ABLIM2: variants seen among roughly 807,000 people sequenced by gnomAD.
The protein encoded by ABLIM2 is actin-binding LIM protein 2.
In ABLIM2, 53 loss-of-function variants were observed where a neutral mutation model predicts 97.7. The ratio of observed to expected loss-of-function variants is 0.54; its 90% CI spans 0.44 to 0.68. ABLIM2 has a LOEUF of 0.68. Ranked by LOEUF, ABLIM2 falls within the 30% of genes least tolerant of loss-of-function variation. The pLI, the probability that ABLIM2 is intolerant of heterozygous loss-of-function variation, is 0.00. For missense variants in ABLIM2, 835 were observed against 867.2 expected (o/e 0.96, Z 0.47); for synonymous variants, 361 against 345.8 (o/e 1.04, Z -0.49).
In ABLIM2 at chr4:8,005,438, G is replaced by C. The variant is rs1760609013; in HGVS notation, c.1618+2621C>G. On this transcript the variant is annotated intron_variant, in intron 16 of 20. Coordinates refer to ENST00000447017, the MANE Select transcript of ABLIM2 (RefSeq NM_001130083.2). This position sits in a 1 kb window ranked among gnomAD's most constrained non-coding sequence, Gnocchi z 4.9. Reference sequence around the variant, plus strand: ...CTACAGATGGACGTCCCGGGGTGCAGGTGGCGTGCCTTGCTGTGTGCAAAT... The same window carrying C: ...CTACAGATGGACGTCCCGGGGTGCACGTGGCGTGCCTTGCTGTGTGCAAAT... 1 of 533,102 alleles carries C rather than the reference G, an allele frequency of 1.9e-6. No individual in the cohort carries two copies. The highest frequency in any genetic ancestry group is 3.8e-6 in the Non-Finnish European group (1 of 259,956). 33.0% of individuals were successfully genotyped at this position (533,102 alleles called of 1,614,324 possible).
chr4:8,154,766 T>C (rs1177725068), intron 1 of ABLIM2, among the ~76,000 whole-genome samples: 1 of 152,224 alleles, frequency 6.6e-6, no homozygotes, highest in Non-Finnish European at 1.5e-5. Flanking sequence ...TGGAGCAGCG[T>C]GGGCTCACGT....
rs1188371253 is a variant in ABLIM2 at position 8,019,328 on chromosome 4, AC to A, written c.1423+289del. Among the ~76,000 whole-genome samples the A allele has an allele frequency of 2.0e-5, 3 of 152,154 alleles. No individual in the cohort carries two copies. Among genetic ancestry groups the A allele is most frequent in the East Asian group, 1.9e-4 (1 of 5,190 alleles). On this transcript the variant is annotated intron_variant, in intron 14 of 20. Transcript: ENST00000447017. This position sits in a 1 kb window ranked among gnomAD's most constrained non-coding sequence, Gnocchi z 4.3. ...TGGCTGCATAATTGAAGGCGCCACC[AC>A]CAGGCTCTTGGCTATAAACCCCCAT...
At chr4:8,060,037 G>T (rs1461434706) in intron 7 of ABLIM2, among the ~76,000 whole-genome samples, 1 of 152,034 alleles carries the variant, frequency 6.6e-6, no homozygotes, top group Admixed American at 6.6e-5. Context: ...ATGTTAATAA[G>T]CTTCTGTTCA....
intron 20 of ABLIM2, among the ~76,000 whole-genome samples, chr4:7,980,941 A>ATTTTTTTTGTTTTTTT (rs1737691303): frequency 1.2e-5 from 1 of 82,988 alleles, no homozygotes; most frequent in African/African-American, 5.5e-5. Flanking sequence ...ACAACCCCTT[A>ATTTTTTTTGTTTTTTT]TTTTTTTTTT....
chr4:7,981,207 T>C (rs1738105065), intron 20 of ABLIM2, among the ~76,000 whole-genome samples: 1 of 152,040 alleles, frequency 6.6e-6, no homozygotes. Context: ...CCTCCCAAAG[T>C]GCTGGGATTA....
chr4:8,098,139 G>A (rs905095718), intron 2 of ABLIM2, among the ~76,000 whole-genome samples: 3 of 152,164 alleles, frequency 2.0e-5, no homozygotes, highest in Non-Finnish European at 4.4e-5. Flanking sequence ...TTCAGAGGGA[G>A]CAGCCCACAG....
At position 8,150,430 on chromosome 4, in the gene ABLIM2, T is replaced by C. The variant is rs139003163; in HGVS notation, c.10+8250A>G. Among the ~76,000 whole-genome samples the C allele has an allele frequency of 6.6e-6, 1 of 152,168 alleles. No individual in the cohort carries two copies. The highest frequency in any genetic ancestry group is 1.5e-5 in the Non-Finnish European group (1 of 68,026). ...TCAGGGGAGCCAGTACAAGGCCCCA[T>C]CGTGCCCTGAGGACAGACGCCAGCG... On this transcript the variant is annotated intron_variant, in intron 1 of 20. Transcript: ENST00000447017. This position sits in a 1 kb window ranked among gnomAD's most constrained non-coding sequence, Gnocchi z 6.3.
At position 7,966,402 on chromosome 4, in the gene ABLIM2, A is replaced by T. The variant is rs1403529172; in HGVS notation, c.*588T>A. ...GCAGCGCATGGAGGGGCGCTGGCGGAAGGTGCCCTGTCTTGTCCCTTGTTG... is the reference window on the plus strand; with the variant it reads ...GCAGCGCATGGAGGGGCGCTGGCGGTAGGTGCCCTGTCTTGTCCCTTGTTG... On this transcript the variant is annotated 3_prime_UTR_variant, in exon 21 of 21. Transcript: ENST00000447017. 6.5e-6 allele frequency: 1 copy of T among 152,840 alleles called. No homozygotes were observed. The highest frequency in any genetic ancestry group is 2.4e-5 in the African/African-American group (1 of 41,458). The allele number at this position is 152,840 out of a possible 1,614,324, so 9.5% of individuals were successfully genotyped here.
At chr4:8,089,026 C>G (rs1319003959) in intron 3 of ABLIM2, among the ~76,000 whole-genome samples, 2 of 152,188 alleles carry the variant, frequency 1.3e-5, no homozygotes, top group African/African-American at 4.8e-5. Context: ...TGCCATTTTG[C>G]TCTAAATGGA....
chr4:7,999,483 T>A lies in ABLIM2; in HGVS notation c.1619-6556A>T, dbSNP rs1271492688. On this transcript the variant is annotated intron_variant, in intron 16 of 20. Coordinates refer to ENST00000447017, the MANE Select transcript of ABLIM2 (RefSeq NM_001130083.2). The surrounding 1 kb of genome is among the most constrained non-coding windows in gnomAD (Gnocchi z 4.4). ...GCTGAGACCTAATGATATCAAGCGA[T>A]CTGTTCAAGGTCAAACAGTTACTAA... Among the ~76,000 whole-genome samples the A allele has an allele frequency of 6.6e-6, 1 of 152,196 alleles. No homozygotes were observed. The highest frequency in any genetic ancestry group is 1.5e-5 in the Non-Finnish European group (1 of 68,032).
At chr4:8,008,976 T>C (rs1434065575) in intron 15 of ABLIM2, 74 bp downstream of exon 15, 1 of 1,547,066 alleles carries the variant, frequency 6.5e-7, no homozygotes, top group Non-Finnish European at 8.9e-7. Flanking sequence ...GAAGTCTCAA[T>C]CGGAGAAGCC....
At chr4:8,016,336 G>A (rs1769208198) in intron 14 of ABLIM2, among the ~76,000 whole-genome samples, 1 of 152,152 alleles carries the variant, frequency 6.6e-6, no homozygotes, top group South Asian at 2.1e-4. Context: ...GAGCCACTGT[G>A]CCTGGCCGGT....
rs1743893870 is a variant in ABLIM2, at chr4:7,986,203, A to G, written c.1681-1310T>C. Reference sequence around the variant, plus strand: ...CAGCCAAAGGAGAGACGGTATGCTCAGCCCAGCGGGTCTGTCACAGGGCAA... The same window carrying G: ...CAGCCAAAGGAGAGACGGTATGCTCGGCCCAGCGGGTCTGTCACAGGGCAA... On this transcript the variant is annotated intron_variant, in intron 17 of 20. Coordinates refer to ENST00000447017, the MANE Select transcript of ABLIM2 (RefSeq NM_001130083.2). The surrounding 1 kb of genome is among the most constrained non-coding windows in gnomAD (Gnocchi z 4.3). Among the ~76,000 whole-genome samples the G allele has an allele frequency of 6.6e-6, 1 of 152,220 alleles. No homozygotes were observed. Among genetic ancestry groups the G allele is most frequent in the Non-Finnish European group, 1.5e-5 (1 of 68,040 alleles).
At chr4:8,115,542 C>T (rs1842436050) in intron 1 of ABLIM2, among the ~76,000 whole-genome samples, 1 of 152,220 alleles carries the variant, frequency 6.6e-6, no homozygotes, top group African/African-American at 2.4e-5. Context: ...TTCCCCTCAG[C>T]ATGTGACAGT....
Position 8,045,185 on chromosome 4 carries a change from C to T in ABLIM2, c.879G>A (p.Gly293=), listed in dbSNP as rs757828336. The T allele has an allele frequency of 8.7e-6, 14 of 1,613,850 alleles. No individual in the cohort carries two copies. The highest frequency in any genetic ancestry group is 2.7e-5 in the African/African-American group (2 of 74,932). The change falls in exon 9 of 21, where the codon GGG becomes GGA. Residue 293 remains glycine, a synonymous_variant. Transcript: ENST00000447017. The part of the protein sequence containing the change: ...IISVPASSTS[G]SPSRVIYAKL... ...TTACATAAATCACACGGCTCGGAGA[C>T]CCTGAGGTGCTGGAAGCAGGGACAG...
rs60420862 is a variant in ABLIM2 at position 8,046,350 on chromosome 4, C to T, written c.823-1109G>A. On this transcript the variant is annotated intron_variant, in intron 8 of 20. Coordinates refer to ENST00000447017, the MANE Select transcript of ABLIM2 (RefSeq NM_001130083.2). The surrounding 1 kb of genome is among the most constrained non-coding windows in gnomAD (Gnocchi z 4.4). ...GGGGCCTCTCCTGGTTCAGCTCTCA[C>T]TGGAGCTGCACACCCCTCTCCTGGT... Among the ~76,000 whole-genome samples, 10,711 of 152,186 alleles carry T rather than the reference C, an allele frequency of 0.07. 433 individuals carry two copies. The highest frequency in any genetic ancestry group is 0.18 in the East Asian group (912 of 5,146).
Position 8,008,070 on chromosome 4 carries a change from C to T in ABLIM2, c.1607G>A (p.Ser536Asn). Residue 536 changes from serine (S) to asparagine (N), a missense_variant, in exon 16 of 21, where the codon AGC becomes AAC. Coordinates refer to ENST00000447017, the MANE Select transcript of ABLIM2 (RefSeq NM_001130083.2). Reference protein sequence around the residue: ...RDPLQRMAGDSFHSRFPYSKS... With the variant: ...RDPLQRMAGDNFHSRFPYSKS... ...AAAGAACCACTCACGTGAGTGAAAG[C>T]TGTCCCCTGCCATCCTTTGGAGAGG... The T allele has an allele frequency of 1.2e-6, 2 of 1,614,004 alleles. No individual in the cohort carries two copies. The highest frequency in any genetic ancestry group is 1.7e-6 in the Non-Finnish European group (2 of 1,179,874).
At position 8,032,528 on chromosome 4, in the gene ABLIM2, G is replaced by A. The variant is rs1159574209; in HGVS notation, c.1048-2752C>T. ...CCCATGTCACAAGGGCCGTGGCCCCGGGCCCCATGGTGAAGAGCCACCGAG... is the reference window on the plus strand; with the variant it reads ...CCCATGTCACAAGGGCCGTGGCCCCAGGCCCCATGGTGAAGAGCCACCGAG... On this transcript the variant is annotated intron_variant, in intron 10 of 20. Transcript: ENST00000447017. The surrounding 1 kb of genome is among the most constrained non-coding windows in gnomAD (Gnocchi z 4.3). The A allele has an allele frequency of 3.4e-5, 45 of 1,314,438 alleles. No individual in the cohort carries two copies. The East Asian group carries it at 4.8e-4, about 14-fold the overall frequency. 81.4% of individuals were successfully genotyped at this position (1,314,438 alleles called of 1,614,324 possible).
rs1744207165 is a variant in ABLIM2, at chr4:7,986,444, G to A, written c.1681-1551C>T. ...GCTCACGAGTGGGGTAAGCACCCAGGCAGAGGACTGGAACTGGTCTCTATT... is the reference window on the plus strand; with the variant it reads ...GCTCACGAGTGGGGTAAGCACCCAGACAGAGGACTGGAACTGGTCTCTATT... On this transcript the variant is annotated intron_variant, in intron 17 of 20. Transcript: ENST00000447017. This position sits in a 1 kb window ranked among gnomAD's most constrained non-coding sequence, Gnocchi z 4.3. Among the ~76,000 whole-genome samples, 1 of 152,210 alleles carries A rather than the reference G, an allele frequency of 6.6e-6. No individual in the cohort carries two copies. Among genetic ancestry groups the A allele is most frequent in the Non-Finnish European group, 1.5e-5 (1 of 68,038 alleles).
Sources: allele counts gnomAD v4.1 joint callset (sites outside exome capture counted in the v4.1 genomes callset), GRCh38; gene constraint gnomAD v4.1.1; non-coding constraint Gnocchi (gnomAD v3.1); transcripts MANE v1.5; gene names NCBI Gene and HGNC (gene_info 2026-07-23, HGNC 2026-07-21).